The following DNMBP variants were observed in gnomAD, a reference collection of about 807,000 sequenced individuals.
DNMBP encodes the protein dynamin-binding protein.
A neutral mutation model predicts 150.0 loss-of-function variants in DNMBP; 87 were observed. The observed-to-expected ratio is 0.58, with a 90% CI of 0.49 to 0.69. DNMBP has a LOEUF of 0.69. Among genes scored for constraint, DNMBP ranks in the 30% least tolerant of loss-of-function variants. The probability of loss-of-function intolerance (pLI) is 0.00; values close to 1 mark genes in which losing one functional copy is unlikely to be tolerated. For missense variants in DNMBP, 1,774 were observed against 1,949.0 expected, an observed-to-expected ratio of 0.91 and a Z score of 1.69; for synonymous variants, 711 against 750.4, an observed-to-expected ratio of 0.95 and a Z score of 0.86.
intron 1 of DNMBP, among the ~76,000 whole-genome samples, chr10:99,975,860 T>C (rs901648193): frequency 6.6e-6 from 1 of 152,228 alleles, no homozygotes; most frequent in African/African-American, 2.4e-5. Flanking sequence ...CCATCAAGAC[T>C]ATTATAGTTA....
intron 4 of DNMBP, among the ~76,000 whole-genome samples, chr10:99,937,765 C>T (rs559042156): frequency 6.6e-6 from 1 of 152,270 alleles, no homozygotes; most frequent in African/African-American, 2.4e-5. Context: ...ACAAGACAGC[C>T]CAGCACTGAG....
intron 6 of DNMBP, among the ~76,000 whole-genome samples, chr10:99,904,204 G>A (rs897766177): frequency 6.6e-6 from 1 of 152,052 alleles, no homozygotes; most frequent in African/African-American, 2.4e-5. Context: ...GCAGTGAGCT[G>A]TGATCACACT....
intron 11 of DNMBP, among the ~76,000 whole-genome samples, chr10:99,890,139 C>T (rs2039535062): frequency 1.3e-5 from 2 of 152,104 alleles, no homozygotes; most frequent in Admixed American, 6.5e-5. Context: ...AGTAAGATAA[C>T]CCAGGGAATG....
intron 1 of DNMBP, among the ~76,000 whole-genome samples, chr10:100,008,261 C>T (rs2041097209): frequency 6.6e-6 from 1 of 152,202 alleles, no homozygotes; most frequent in Non-Finnish European, 1.5e-5. Context: ...CATATTTAAA[C>T]AGATCGTTTA....
intron 6 of DNMBP, among the ~76,000 whole-genome samples, chr10:99,905,954 T>C (rs1297468726): frequency 1.3e-5 from 2 of 152,228 alleles, no homozygotes; most frequent in Non-Finnish European, 2.9e-5. Flanking sequence ...TGGATAACAA[T>C]GTGAGACCCT....
chr10:99,923,281 C>T (rs1010628783), intron 4 of DNMBP, among the ~76,000 whole-genome samples: 6 of 152,170 alleles, frequency 3.9e-5, no homozygotes, highest in Middle Eastern at 3.4e-3. Context: ...CTCAGCTACT[C>T]GGGAGGCTGA....
chr10:99,876,424 A>ACCCCCCC lies in DNMBP; in HGVS notation c.*726_*727insGGGGGGG, dbSNP rs2039275662. The ACCCCCCC allele has an allele frequency of 6.6e-6, 1 of 151,830 alleles. No homozygotes were observed. Among genetic ancestry groups the ACCCCCCC allele is most frequent in the Non-Finnish European group, 1.5e-5 (1 of 67,974 alleles). 9.4% of individuals were successfully genotyped at this position (151,830 alleles called of 1,614,324 possible). A position where few individuals can be genotyped will look rare whatever the true frequency, so the allele number is the denominator to read the frequency against. On this transcript the variant is annotated 3_prime_UTR_variant, in exon 17 of 17. Transcript: ENST00000324109. ...AAAAAAGCGGGGGGGCAGTGATTGT[A>ACCCCCCC]CCTAACAAGGGAAGAGAATCTTTCA...
intron 4 of DNMBP, among the ~76,000 whole-genome samples, chr10:99,948,171 T>G (rs957781548): frequency 6.6e-6 from 1 of 152,188 alleles, no homozygotes; most frequent in Non-Finnish European, 1.5e-5. Flanking sequence ...TTAAAATATA[T>G]AATCATATCA....
chr10:99,884,825 C>T (rs940083988), intron 14 of DNMBP, among the ~76,000 whole-genome samples: 1 of 151,994 alleles, frequency 6.6e-6, no homozygotes, highest in Admixed American at 6.6e-5. Context: ...ATCACTTGAA[C>T]CTGGGAGGGT....
At position 99,879,919 on chromosome 10, in the gene DNMBP, T is replaced by C. The variant is rs1481061105; in HGVS notation, c.4440A>G (p.Pro1480=). The C allele has an allele frequency of 6.2e-7, 1 of 1,614,262 alleles. No homozygotes were observed. Among genetic ancestry groups the C allele is most frequent in the Non-Finnish European group, 8.5e-7 (1 of 1,180,040 alleles). The change falls in exon 16 of 17, where the codon CCA becomes CCG. Residue 1480 remains proline (P), a synonymous_variant. Coordinates refer to ENST00000324109, the MANE Select transcript of DNMBP (RefSeq NM_015221.4). Reference sequence around the variant, plus strand: ...GGTCTTGACTTTGCCCATTTCGTCCTGGTACGGAGTAGCCAACTATTTCTG... The same window carrying C: ...GGTCTTGACTTTGCCCATTTCGTCCCGGTACGGAGTAGCCAACTATTTCTG... ...RHPEIVGYSV[P]GRNGQSQDLV... is the part of the protein sequence containing the mutation.
chr10:99,921,198 A>C (rs1589419110), intron 4 of DNMBP, among the ~76,000 whole-genome samples: 1 of 152,176 alleles, frequency 6.6e-6, no homozygotes, highest in Non-Finnish European at 1.5e-5. Flanking sequence ...TAGTCCTTGA[A>C]CAGGACAAGC....
intron 1 of DNMBP, among the ~76,000 whole-genome samples, chr10:99,974,249 G>T (rs1166852486): frequency 6.6e-6 from 1 of 152,232 alleles, no homozygotes; most frequent in East Asian, 1.9e-4. Flanking sequence ...TTGGTTCACA[G>T]AAGTCAGTGG....
At chr10:99,941,913 C>T (rs2040305413) in intron 4 of DNMBP, among the ~76,000 whole-genome samples, 2 of 152,214 alleles carry the variant, frequency 1.3e-5, no homozygotes, top group Non-Finnish European at 2.9e-5. Flanking sequence ...GCCTGGGTCA[C>T]TGCAGTAGCC....
intron 10 of DNMBP, among the ~76,000 whole-genome samples, chr10:99,895,252 G>A (rs558939311): frequency 1.3e-5 from 2 of 151,168 alleles, no homozygotes; most frequent in East Asian, 2.0e-4. Flanking sequence ...TCAGCCTCTC[G>A]CATAGCTGAG....
chr10:99,966,467 A>G (rs756232349), intron 3 of DNMBP, among the ~76,000 whole-genome samples: 1 of 152,186 alleles, frequency 6.6e-6, no homozygotes, highest in Non-Finnish European at 1.5e-5. Flanking sequence ...ACGATGCCAG[A>G]TTCTTTCTGA....
chr10:99,888,839 G>T lies in DNMBP; in HGVS notation c.3271C>A (p.Leu1091Ile). 1 of 1,614,128 alleles carries T rather than the reference G, an allele frequency of 6.2e-7. No homozygotes were observed. Among genetic ancestry groups the T allele is most frequent in the Non-Finnish European group, 8.5e-7 (1 of 1,180,004 alleles). ...ERVHRYISDQLFTNFKERTER... is the reference protein window; with the variant it reads ...ERVHRYISDQIFTNFKERTER... Reference sequence around the variant, plus strand: ...AAGTTACTTACAAAGTTTGTGAAGAGCTGGTCACTGATGTAGCGATGCACC... The same window carrying T: ...AAGTTACTTACAAAGTTTGTGAAGATCTGGTCACTGATGTAGCGATGCACC... The change falls in exon 12 of 17, where the codon CTC (leucine) becomes ATC (isoleucine). Residue 1091 changes from leucine to isoleucine, a missense_variant. By Grantham distance (5) the Leu-to-Ile change is conservative. This residue lies in a region of DNMBP where 1,430 missense variants were observed against 1,492.5 expected (regional missense o/e 0.96). Transcript: ENST00000324109.
intron 4 of DNMBP, chr10:99,930,471 T>C: frequency 1.4e-6 from 1 of 703,000 alleles, no homozygotes; most frequent in East Asian, 2.7e-5. Flanking sequence ...CCTATAACCA[T>C]CATGACCTCC....
intron 10 of DNMBP, among the ~76,000 whole-genome samples, 162 bp from the exon 11 acceptor site, chr10:99,895,212 C>T (rs535696945): frequency 4.0e-5 from 6 of 151,388 alleles, no homozygotes; most frequent in Admixed American, 6.6e-5. Context: ...CTGCAACCTC[C>T]GCCTCCTGGA....
chr10:99,948,776 A>G (rs1040423354), intron 4 of DNMBP, among the ~76,000 whole-genome samples: 12 of 152,184 alleles, frequency 7.9e-5, no homozygotes, highest in African/African-American at 2.9e-4. Flanking sequence ...CAGGCTGACC[A>G]ACATGGTGAA....
Sources: gnomAD v4.1 joint callset for allele counts (sites outside exome capture counted in the v4.1 genomes callset) on GRCh38, gnomAD v4.1.1 for gene constraint, gnomAD v4.1.1 regional missense constraint, MANE v1.5 for transcripts, NCBI Gene and HGNC (gene_info 2026-07-23, HGNC 2026-07-21) for gene names.